The following TRANK1 variants were observed in gnomAD, a reference collection of about 807,000 sequenced individuals.
TRANK1 encodes tetratricopeptide repeat and ankyrin repeat containing 1.
In TRANK1, 198 loss-of-function variants were observed where a neutral mutation model predicts 266.0. The observed-to-expected ratio is 0.74, with a 90% CI of 0.66 to 0.84. The LOEUF (loss-of-function observed/expected upper bound fraction) is 0.84, where lower values mean the gene tolerates loss of function less well. Ranked by LOEUF, TRANK1 falls within the 40% of genes least tolerant of loss-of-function variation. The probability of loss-of-function intolerance (pLI) is 0.00; values close to 1 mark genes in which losing one functional copy is unlikely to be tolerated. For missense variants in TRANK1, 3,326 were observed against 3,634.6 expected, an observed-to-expected ratio of 0.92 and a Z score of 2.18; for synonymous variants, 1,396 against 1,384.1, an observed-to-expected ratio of 1.01 and a Z score of -0.19.
intron 17 of TRANK1, among the ~76,000 whole-genome samples, chr3:36,843,844 T>C (rs1003628668): frequency 1.3e-5 from 2 of 152,184 alleles, no homozygotes; most frequent in Non-Finnish European, 1.5e-5. Flanking sequence ...CGCCCTCTGC[T>C]GGTGCTGTGT....
At chr3:36,883,118 A>G (rs2079553592) in intron 8 of TRANK1, among the ~76,000 whole-genome samples, 2 of 152,184 alleles carry the variant, frequency 1.3e-5, no homozygotes, top group Non-Finnish European at 2.9e-5. Context: ...ATGAATTAAT[A>G]TGGAGTGATT....
At chr3:36,929,883 A>ATTG (rs201004320) in intron 1 of TRANK1, among the ~76,000 whole-genome samples, 6,661 of 149,008 alleles carry the variant, frequency 0.045, 195 homozygotes, top group African/African-American at 0.086. Flanking sequence ...GATGCAGCAG[A>ATTG]TTGTTGTTGT....
In TRANK1 at chr3:36,867,775, A is replaced by G. The variant is rs890970754; in HGVS notation, c.1079-3295T>C. Among the ~76,000 whole-genome samples the G allele has an allele frequency of 4.6e-5, 7 of 152,268 alleles. No individual in the cohort carries two copies. In the South Asian group the frequency reaches 1.2e-3, roughly 27 times the overall value. On this transcript the variant is annotated intron_variant, in intron 9 of 23. Coordinates refer to ENST00000645898, the MANE Select transcript of TRANK1 (RefSeq NM_001329998.2). ...TAAAACTATACTTTTACAAATTTTC[A>G]ACAATGATCACATTTAGCAAATATA...
At position 36,833,776 on chromosome 3, in the gene TRANK1, A is replaced by C; in HGVS notation, c.5807T>G (p.Ile1936Arg). 2 of 1,613,998 alleles carry C rather than the reference A, an allele frequency of 1.2e-6. No individual in the cohort carries two copies. Among genetic ancestry groups the C allele is most frequent in the Non-Finnish European group, 1.7e-6 (2 of 1,179,890 alleles). The change falls in exon 22 of 24, where the codon ATA (isoleucine) becomes AGA (arginine). Residue 1936 changes from isoleucine to arginine, a missense_variant. Transcript: ENST00000645898. ...CTTCAAGAACACCAGCTGGTCTTCT[A>C]TGTCTAGCTTTGAGAGGACAGCCAT... is the stretch of plus-strand genomic sequence containing the variant. ...EMMAVLSKLD[I>R]EDQLVFLKSR...
chr3:36,881,957 G>T (rs1293797464), intron 8 of TRANK1, among the ~76,000 whole-genome samples: 1 of 152,148 alleles, frequency 6.6e-6, no homozygotes, highest in Non-Finnish European at 1.5e-5. Flanking sequence ...TCCCTTGTAT[G>T]GATATGGCAT....
At position 36,833,726 on chromosome 3, in the gene TRANK1, C is replaced by A. The variant is rs1160493981; in HGVS notation, c.5857G>T (p.Ala1953Ser). The A allele has an allele frequency of 1.2e-6, 2 of 1,614,048 alleles. No individual in the cohort carries two copies. The highest frequency in any genetic ancestry group is 2.2e-5 in the South Asian group (2 of 91,090). ...CTACCTTCCCTGTTCAGCAGGTCTG[C>A]AGCTTCTGCTAAGCGTTTCCGAGAC... ...LKSRKRLAEAADLLNREGRRE... is the reference protein window; with the variant it reads ...LKSRKRLAEASDLLNREGRRE... The change falls in exon 22 of 24, where the codon GCA becomes TCA. Residue 1953 changes from alanine to serine, a missense_variant. Physicochemically the swap from Ala to Ser is moderately conservative, Grantham distance 99 (BLOSUM62 1). Coordinates refer to ENST00000645898, the MANE Select transcript of TRANK1 (RefSeq NM_001329998.2).
At chr3:36,893,208 A>T (rs1459843083) in intron 5 of TRANK1, among the ~76,000 whole-genome samples, 1 of 151,924 alleles carries the variant, frequency 6.6e-6, no homozygotes, top group African/African-American at 2.4e-5. Flanking sequence ...GCCCCTCCAC[A>T]CTTCCTCAAA....
intron 8 of TRANK1, among the ~76,000 whole-genome samples, chr3:36,885,604 A>G (rs1315140289): frequency 6.6e-6 from 1 of 152,234 alleles, no homozygotes; most frequent in Non-Finnish European, 1.5e-5. Context: ...GCACGATCGT[A>G]GTTCACTGCA....
chr3:36,885,304 A>T (rs533049720), intron 8 of TRANK1, among the ~76,000 whole-genome samples: 5 of 152,320 alleles, frequency 3.3e-5, no homozygotes, highest in African/African-American at 1.2e-4. Context: ...CACCAAAAAC[A>T]CATAACTTCA....
chr3:36,886,555 A>G (rs1165831111), intron 8 of TRANK1, among the ~76,000 whole-genome samples: 1 of 152,178 alleles, frequency 6.6e-6, no homozygotes, highest in African/African-American at 2.4e-5. Context: ...CTTGAAATGC[A>G]TGATGAGGTG....
chr3:36,881,150 T>C (rs906672275), intron 8 of TRANK1, among the ~76,000 whole-genome samples: 6 of 152,046 alleles, frequency 3.9e-5, no homozygotes. Flanking sequence ...TAAAATTCAT[T>C]CTTTTAAAGT....
rs1462973691 is a variant in TRANK1 at position 36,907,940 on chromosome 3, G to A, written c.155+383C>T. 2.6e-5 allele frequency among the ~76,000 whole-genome samples: 4 copies of A among 152,150 alleles called. No homozygotes were observed. The East Asian group carries it at 7.7e-4, about 29-fold the overall frequency. ...GGTCTGTAAGAAGCTGAAGGGGCAA[G>A]GAAAGAGAAAGTGAACCTTAGTGCC... On this transcript the variant is annotated intron_variant, in intron 2 of 23. Transcript: ENST00000645898.
At chr3:36,903,757 T>C (rs979536462) in intron 2 of TRANK1, among the ~76,000 whole-genome samples, 3 of 152,222 alleles carry the variant, frequency 2.0e-5, no homozygotes, top group Non-Finnish European at 2.9e-5. Context: ...AGCTGGAAGA[T>C]GGCCAAAGGA....
rs367807337 is a variant in TRANK1 at position 36,833,795 on chromosome 3, C to G, written c.5788G>C (p.Val1930Leu). 2.5e-5 allele frequency: 40 copies of G among 1,613,912 alleles called. No homozygotes were observed. Among genetic ancestry groups the G allele is most frequent in the Non-Finnish European group, 3.2e-5 (38 of 1,179,906 alleles). Residue 1930 changes from valine to leucine, a missense_variant, in exon 22 of 24, where the codon GTC becomes CTC. Transcript: ENST00000645898. ...TCTTCTATGTCTAGCTTTGAGAGGA[C>G]AGCCATCATTTCCTTCATCTTATTT... ...SANKMKEMMA[V>L]LSKLDIEDQL...
chr3:36,888,796 G>A (rs1246285709), intron 8 of TRANK1, among the ~76,000 whole-genome samples: 1 of 152,182 alleles, frequency 6.6e-6, no homozygotes, highest in Non-Finnish European at 1.5e-5. Flanking sequence ...GGTAGCTCAT[G>A]CCTGTATCCC....
Position 36,831,920 on chromosome 3 carries a change from CCA to C in TRANK1, c.7661_7662del (p.Val2554GlyfsTer4), listed in dbSNP as rs1186263715. 6 of 1,613,934 alleles carry C rather than the reference CCA, an allele frequency of 3.7e-6. No homozygotes were observed. The highest frequency in any genetic ancestry group is 5.1e-6 in the Non-Finnish European group (6 of 1,179,910). On this transcript the variant is annotated frameshift_variant, in exon 22 of 24. Coordinates refer to ENST00000645898, the MANE Select transcript of TRANK1 (RefSeq NM_001329998.2). LOFTEE classifies it high-confidence loss of function. This position sits in a 1 kb window ranked among gnomAD's most constrained non-coding sequence, Gnocchi z 5.0. ...AGTGTCCGCTCAGCCTCACCCGAGA[CCA>C]CATAGTCTATTTCACTGAAGGCATC... Reference protein sequence around the residue: ...LLDAFSEIDYVVSGEAERTLV... With the variant: ...LLDAFSEIDYXVSGEAERTLV...
At chr3:36,844,782 C>T (rs949347864) in intron 17 of TRANK1, among the ~76,000 whole-genome samples, 82 of 152,220 alleles carry the variant, frequency 5.4e-4, no homozygotes, top group African/African-American at 1.8e-3. Flanking sequence ...TAATCCTAGT[C>T]GCCAACCGAG....
In TRANK1 at chr3:36,833,437, G is replaced by C; in HGVS notation, c.6146C>G (p.Ala2049Gly). 6.2e-7 allele frequency: 1 copy of C among 1,613,754 alleles called. No individual in the cohort carries two copies. Residue 2049 changes from alanine (A) to glycine (G), a missense_variant, in exon 22 of 24, where the codon GCC becomes GGC. By Grantham distance (60) the Ala-to-Gly change is moderately conservative. Transcript: ENST00000645898. The stretch of plus-strand genomic sequence containing the variant: ...GTTGAGCGTGTCAAACTTGAAGAAG[G>C]CATCCCTGAGCTTCTGAAAGTCTCT... ...ILRDFQKLRD[A>G]FFKFDTLNHS...
At chr3:36,841,644 C>A (rs2078845697) in intron 18 of TRANK1, among the ~76,000 whole-genome samples, 1 of 152,086 alleles carries the variant, frequency 6.6e-6, no homozygotes, top group South Asian at 2.1e-4. Context: ...AGAAGGAAGA[C>A]CACTGAGGAC....
Sources: allele counts gnomAD v4.1 joint callset (sites outside exome capture counted in the v4.1 genomes callset), GRCh38; gene constraint gnomAD v4.1.1; non-coding constraint Gnocchi (gnomAD v3.1); transcripts MANE v1.5; gene names NCBI Gene and HGNC (gene_info 2026-07-23, HGNC 2026-07-21).